Variants in COL6A6 observed in about 807,000 individuals in gnomAD.
COL6A6 encodes the protein collagen type VI alpha 6 chain.
COL6A6 carries 183 observed loss-of-function variants against 208.6 expected under a neutral mutation model. The ratio of observed to expected loss-of-function variants is 0.88; its 90% CI spans 0.78 to 0.99. COL6A6 has a LOEUF of 0.99. COL6A6 is among the 50% of genes least tolerant of loss of function. The pLI is 0.00. For missense variants in COL6A6, 2,816 were observed against 2,815.2 expected (o/e 1.00, Z -0.01); for synonymous variants, 973 against 1,011.8 (o/e 0.96, Z 0.73).
chr3:130,574,182 AAAC>A lies in COL6A6; in HGVS notation c.3206_3208del (p.Asn1069del). On this transcript the variant is annotated inframe_deletion, in exon 8 of 37. Coordinates refer to ENST00000358511, the MANE Select transcript of COL6A6 (RefSeq NM_001102608.3). ...AAAAAGAGATATCATTTCAGATTGA[AAAC>A]ATCAAGCAGATCTTTGGAAACACAC... The A allele has an allele frequency of 6.2e-7, 1 of 1,614,024 alleles. No individual in the cohort carries two copies. The highest frequency in any genetic ancestry group is 1.3e-5 in the African/African-American group (1 of 75,058).
chr3:130,622,468 A>G (rs2064755423), intron 24 of COL6A6, among the ~76,000 whole-genome samples: 1 of 152,136 alleles, frequency 6.6e-6, no homozygotes, highest in South Asian at 2.1e-4. Context: ...TTTTCATAAC[A>G]ATCTATGACA....
chr3:130,649,411 C>T lies in COL6A6; in HGVS notation c.5582C>T (p.Ala1861Val), dbSNP rs766274394. 2 of 1,613,072 alleles carry T rather than the reference C, an allele frequency of 1.2e-6. No individual in the cohort carries two copies. Among genetic ancestry groups the T allele is most frequent in the Admixed American group, 1.7e-5 (1 of 59,892 alleles). ...RNVFKRTLPG[A>V]HTRKIATFFS... The stretch of plus-strand genomic sequence containing the variant: ...GTCTTCAAGCGGACGCTTCCGGGGG[C>T]ACACACGAGAAAAATCGCCACATTT... The change falls in exon 33 of 37, where the codon GCA becomes GTA. Residue 1861 changes from alanine (A) to valine (V), a missense_variant. Physicochemically the swap from Ala to Val is moderately conservative, Grantham distance 64 (BLOSUM62 0). Coordinates refer to ENST00000358511, the MANE Select transcript of COL6A6 (RefSeq NM_001102608.3).
chr3:130,661,949 T>A lies in COL6A6; in HGVS notation c.6143T>A (p.Val2048Glu), dbSNP rs986246275. 1.1e-5 allele frequency: 18 copies of A among 1,613,920 alleles called. No individual in the cohort carries two copies. In the Admixed American group the frequency reaches 3.0e-4, roughly 27 times the overall value. ...AGTAAGCGCCTCATGAAGAGGCATG[T>A]GCACGAGTCAGTTAAACAACTAAAT... ...YRSKRLMKRH[V>E]HESVKQLNGD... Residue 2048 changes from valine to glutamate, a missense_variant, in exon 35 of 37, where the codon GTG becomes GAG. Physicochemically the swap from Val to Glu is moderately radical, Grantham distance 121. Coordinates refer to ENST00000358511, the MANE Select transcript of COL6A6 (RefSeq NM_001102608.3).
chr3:130,655,918 C>T (rs754764342), intron 33 of COL6A6, among the ~76,000 whole-genome samples: 6 of 152,150 alleles, frequency 3.9e-5, no homozygotes, highest in Non-Finnish European at 5.9e-5. Flanking sequence ...CATGGAGCAG[C>T]GAGGGGTGTG....
At chr3:130,542,763 G>C (rs1272254058) in intron 1 of COL6A6, among the ~76,000 whole-genome samples, 1 of 152,096 alleles carries the variant, frequency 6.6e-6, no homozygotes, top group Non-Finnish European at 1.5e-5. Context: ...TGACTCCTTT[G>C]TCATTAGGTA....
intron 36 of COL6A6, among the ~76,000 whole-genome samples, chr3:130,674,393 AT>A (rs2066308459): frequency 6.6e-6 from 1 of 152,086 alleles, no homozygotes; most frequent in Non-Finnish European, 1.5e-5. Flanking sequence ...GGCTTCTATG[AT>A]TCCCTGATTT....
At chr3:130,604,364 G>A (rs944632553) in intron 20 of COL6A6, among the ~76,000 whole-genome samples, 43 of 152,116 alleles carry the variant, frequency 2.8e-4, no homozygotes, top group African/African-American at 9.6e-4. Context: ...GCGTGGTGGC[G>A]GGCGCCTGTA....
intron 32 of COL6A6, among the ~76,000 whole-genome samples, chr3:130,648,828 A>G (rs1374979908): frequency 2.0e-5 from 3 of 152,240 alleles, no homozygotes; most frequent in South Asian, 2.1e-4. Flanking sequence ...AACATTTCAT[A>G]TAAAATAAAA....
intron 22 of COL6A6, among the ~76,000 whole-genome samples, chr3:130,609,644 CT>C (rs566500425): frequency 2.2e-3 from 333 of 150,422 alleles, no homozygotes; most frequent in Non-Finnish European, 3.9e-3. Flanking sequence ...AAAGTTAGAA[CT>C]TTTTTTTTTC....
chr3:130,668,223 T>C (rs2066124414), intron 36 of COL6A6, among the ~76,000 whole-genome samples: 1 of 152,058 alleles, frequency 6.6e-6, no homozygotes, highest in South Asian at 2.1e-4. Context: ...ATGCCTATAA[T>C]CCCAGCACTT....
At chr3:130,557,264 G>A (rs1478883057) in intron 1 of COL6A6, among the ~76,000 whole-genome samples, 5 of 152,204 alleles carry the variant, frequency 3.3e-5, no homozygotes, top group Admixed American at 1.3e-4. Flanking sequence ...GCTCCTTTTT[G>A]TAATTCCAGA....
At chr3:130,583,075 A>G (rs1370943931) in intron 10 of COL6A6, among the ~76,000 whole-genome samples, 1 of 152,162 alleles carries the variant, frequency 6.6e-6, no homozygotes, top group Non-Finnish European at 1.5e-5. Context: ...GTGTACCTCC[A>G]AATCCTTATC....
chr3:130,627,992 A>C (rs1290078022), intron 26 of COL6A6, among the ~76,000 whole-genome samples: 2 of 152,248 alleles, frequency 1.3e-5, no homozygotes, highest in African/African-American at 2.4e-5. Context: ...AAAATGTTTG[A>C]GACCTGTAAC....
intron 11 of COL6A6, among the ~76,000 whole-genome samples, chr3:130,588,344 G>T (rs2063589158): frequency 6.6e-6 from 1 of 152,194 alleles, no homozygotes; most frequent in South Asian, 2.1e-4. Context: ...TCTGAAAATA[G>T]AATTTTTCTA....
chr3:130,551,301 T>C (rs1215727625), intron 1 of COL6A6, among the ~76,000 whole-genome samples: 1 of 152,152 alleles, frequency 6.6e-6, no homozygotes, highest in Non-Finnish European at 1.5e-5. Context: ...CCTGGTCCTG[T>C]GCATTTTTTG....
Position 130,567,182 on chromosome 3 carries a change from A to G in COL6A6, c.1763A>G (p.Lys588Arg). 6.2e-7 allele frequency: 1 copy of G among 1,613,668 alleles called. No homozygotes were observed. The change falls in exon 5 of 37, where the codon AAG becomes AGG. Residue 588 changes from lysine (K) to arginine (R), a missense_variant. Transcript: ENST00000358511. ...TQLREIAGEE[K>R]RVYYVHDFDA... ...CTGAGAGAAATTGCAGGAGAGGAAAAGAGAGTGTATTACGTGCATGACTTT... is the reference window on the plus strand; with the variant it reads ...CTGAGAGAAATTGCAGGAGAGGAAAGGAGAGTGTATTACGTGCATGACTTT...
intron 10 of COL6A6, among the ~76,000 whole-genome samples, chr3:130,583,206 A>G (rs2063463725): frequency 6.6e-6 from 1 of 152,078 alleles, no homozygotes; most frequent in Admixed American, 6.5e-5. Flanking sequence ...CAAATTGCAA[A>G]ATTATCTGAG....
chr3:130,528,205 G>A lies in COL6A6; in HGVS notation c.-32+10808G>A, dbSNP rs189467801. On this transcript the variant is annotated intron_variant, in intron 1 of 36. Transcript: ENST00000358511. ...AGCATTGCAATGAAGACTTGGAGAC[G>A]AGGACTGAGCAGGAACAAGGAAAGA... Among the ~76,000 whole-genome samples, 115 of 152,302 alleles carry A rather than the reference G, an allele frequency of 7.6e-4. 4 individuals are homozygous for A. The South Asian group carries it at 0.02, about 26-fold the overall frequency.
intron 10 of COL6A6, among the ~76,000 whole-genome samples, chr3:130,583,664 T>C (rs760052932): frequency 2.6e-5 from 4 of 152,242 alleles, no homozygotes; most frequent in African/African-American, 4.8e-5. Flanking sequence ...TCTTTGAAAG[T>C]GACCATCTTT....
Sources: gnomAD v4.1 joint callset for allele counts (sites outside exome capture counted in the v4.1 genomes callset) on GRCh38, gnomAD v4.1.1 for gene constraint, MANE v1.5 for transcripts, NCBI Gene and HGNC (gene_info 2026-07-23, HGNC 2026-07-21) for gene names.